Variants in TBX15 observed in about 807,000 individuals in gnomAD.
TBX15 encodes T-box transcription factor 15, also known as T-box transcription factor TBX15.
A neutral mutation model predicts 53.9 loss-of-function variants in TBX15; 18 were observed. The ratio of observed to expected loss-of-function variants is 0.33; its 90% CI spans 0.23 to 0.49. The LOEUF (loss-of-function observed/expected upper bound fraction) is 0.49, where lower values mean the gene tolerates loss of function less well. Ranked by LOEUF, TBX15 falls within the 20% of genes least tolerant of loss-of-function variation. TBX15 has a pLI of 0.98. For synonymous variants in TBX15, 295 were observed against 278.0 expected (o/e 1.06, Z -0.61); for missense variants, 692 against 749.5 (o/e 0.92, Z 0.90).
chr1:118,958,023 A>G (rs1189990010), intron 1 of TBX15, among the ~76,000 whole-genome samples: 3 of 152,246 alleles, frequency 2.0e-5, no homozygotes, highest in Non-Finnish European at 4.4e-5. Context: ...TTAATGCAAA[A>G]ATTTGCCATG....
chr1:118,987,557 GC>G, intron 1 of TBX15, 33 bp downstream of exon 1: 2 of 1,533,814 alleles, frequency 1.3e-6, no homozygotes, highest in Non-Finnish European at 1.8e-6. Flanking sequence ...TCCCCTCTCC[GC>G]CCGCCTCCCG....
chr1:118,936,492 T>C (rs748964503), intron 1 of TBX15, among the ~76,000 whole-genome samples: 2 of 152,156 alleles, frequency 1.3e-5, no homozygotes, highest in Non-Finnish European at 2.9e-5. Context: ...TTTGGTTCAC[T>C]TGGCCTAAGT....
intron 1 of TBX15, among the ~76,000 whole-genome samples, chr1:118,939,407 C>CAAAAAAAAAAAAAAAA (rs869094141): frequency 1.4e-3 from 12 of 8,878 alleles, no homozygotes; most frequent in Non-Finnish European, 1.9e-3. Context: ...GATCTAGTCT[C>CAAAAAAAAAAAAAAAA]AAAAAAAAAA....
chr1:118,896,105 C>A (rs578130493), intron 7 of TBX15, among the ~76,000 whole-genome samples: 1 of 152,208 alleles, frequency 6.6e-6, no homozygotes, highest in African/African-American at 2.4e-5. Flanking sequence ...TTTAGCTCCT[C>A]GGCTATCATT....
At chr1:118,927,025 A>G (rs1443520017) in intron 2 of TBX15, among the ~76,000 whole-genome samples, 1 of 152,138 alleles carries the variant, frequency 6.6e-6, no homozygotes, top group Non-Finnish European at 1.5e-5. Flanking sequence ...CACCCAGCCT[A>G]AACAACGTAT....
intron 1 of TBX15, among the ~76,000 whole-genome samples, chr1:118,963,666 A>T (rs1656949925): frequency 6.6e-6 from 1 of 152,246 alleles, no homozygotes; most frequent in South Asian, 2.1e-4. Context: ...GAAGAGAGCC[A>T]TGCTGGAAGA....
chr1:118,896,681 T>C (rs1161538467), intron 7 of TBX15, among the ~76,000 whole-genome samples: 2 of 152,162 alleles, frequency 1.3e-5, no homozygotes, highest in Non-Finnish European at 2.9e-5. Context: ...CCACTGCAGT[T>C]TCCACTAGAA....
chr1:118,988,232 CCCTGTGATCCAAACTT>C lies in TBX15; in HGVS notation c.-453_-438del, dbSNP rs1657911281. 6.1e-6 allele frequency: 1 copy of C among 164,364 alleles called. No individual in the cohort carries two copies. Among genetic ancestry groups the C allele is most frequent in the African/African-American group, 2.4e-5 (1 of 41,720 alleles). The allele number at this position is 164,364 out of a possible 1,614,324, so 10.2% of individuals were successfully genotyped here. ...CTCTTCCTCTCTGCCTTCCCGTCCT[CCCTGTGATCCAAACTT>C]CTGGGAAACTTTTTTTTCCGCTAAA... On this transcript the variant is annotated 5_prime_UTR_variant, in exon 1 of 8. Coordinates refer to ENST00000369429, the MANE Select transcript of TBX15 (RefSeq NM_001330677.2).
At chr1:118,901,377 T>C in intron 6 of TBX15, 1 of 456,666 alleles carries the variant, frequency 2.2e-6, no homozygotes, top group Non-Finnish European at 4.4e-6. Flanking sequence ...GGCACAGCTC[T>C]CAGAGCCTAA....
rs1046389951 is a variant in TBX15, at chr1:118,940,827, A to G, written c.206-8995T>C. On this transcript the variant is annotated intron_variant, in intron 1 of 7. Transcript: ENST00000369429. ...TTATTTTATTCTTCCCACAAAATTA[A>G]TATTTATGAGACCAACTTTTGGGTT... is the stretch of plus-strand genomic sequence containing the variant. Among the ~76,000 whole-genome samples the G allele has an allele frequency of 8.5e-5, 13 of 152,048 alleles. 1 individual carries two copies. The South Asian group carries it at 2.7e-3, about 31-fold the overall frequency.
intron 7 of TBX15, among the ~76,000 whole-genome samples, chr1:118,897,503 G>A (rs2101493532): frequency 6.6e-6 from 1 of 152,290 alleles, no homozygotes; most frequent in South Asian, 2.1e-4. Flanking sequence ...TAAAGCAAGG[G>A]CAGAGAAGCA....
chr1:118,920,557 G>T (rs756636705), intron 5 of TBX15, among the ~76,000 whole-genome samples: 1 of 152,154 alleles, frequency 6.6e-6, no homozygotes, highest in Non-Finnish European at 1.5e-5. Flanking sequence ...TAGCCACAGA[G>T]GACATTATTG....
At chr1:118,930,209 A>G (rs1655734965) in intron 2 of TBX15, among the ~76,000 whole-genome samples, 2 of 152,218 alleles carry the variant, frequency 1.3e-5, no homozygotes, top group Non-Finnish European at 1.5e-5. Flanking sequence ...ACTGGACCCA[A>G]CCAAAATATT....
At chr1:118,918,892 A>C (rs756864575) in intron 5 of TBX15, among the ~76,000 whole-genome samples, 4 of 152,166 alleles carry the variant, frequency 2.6e-5, no homozygotes, top group Non-Finnish European at 5.9e-5. Flanking sequence ...TCTCTTATTA[A>C]CACTCTTCGT....
At position 118,952,468 on chromosome 1, in the gene TBX15, C is replaced by A. The variant is rs1221493561; in HGVS notation, c.206-20636G>T. On this transcript the variant is annotated intron_variant, in intron 1 of 7. Coordinates refer to ENST00000369429, the MANE Select transcript of TBX15 (RefSeq NM_001330677.2). ...ACCAACCATGTCTTTAGATTCAAAC[C>A]AAGACTCTAAATTCTCAATTATTTT... Among the ~76,000 whole-genome samples the A allele has an allele frequency of 2.0e-5, 3 of 152,000 alleles. No individual in the cohort carries two copies. In the South Asian group the frequency reaches 6.2e-4, roughly 32 times the overall value.
chr1:118,989,249 C>T (rs1311661845), upstream of TBX15: 1 of 152,310 alleles, frequency 6.6e-6, no homozygotes, highest in Non-Finnish European at 1.5e-5. Flanking sequence ...AGCTGATCTC[C>T]CCCCTGGCCG....
At chr1:118,936,565 A>G (rs1341091334) in intron 1 of TBX15, among the ~76,000 whole-genome samples, 1 of 152,134 alleles carries the variant, frequency 6.6e-6, no homozygotes, top group African/African-American at 2.4e-5. Flanking sequence ...AAAGTTATAT[A>G]TTTATGATAA....
intron 7 of TBX15, among the ~76,000 whole-genome samples, chr1:118,885,941 A>T (rs1171662590): frequency 1.3e-5 from 2 of 152,232 alleles, no homozygotes; most frequent in Non-Finnish European, 2.9e-5. Context: ...AAATGCATTA[A>T]ATATGTATTT....
chr1:118,937,418 G>A (rs1465185476), intron 1 of TBX15, among the ~76,000 whole-genome samples: 1 of 152,154 alleles, frequency 6.6e-6, no homozygotes. Flanking sequence ...TCAGGATATG[G>A]AGTTTAGACT....
Sources: allele counts gnomAD v4.1 joint callset (sites outside exome capture counted in the v4.1 genomes callset), GRCh38; gene constraint gnomAD v4.1.1; transcripts MANE v1.5; gene names NCBI Gene and HGNC (gene_info 2026-07-23, HGNC 2026-07-21).